Variants in KCNT1 observed in about 807,000 individuals in gnomAD.
KCNT1 encodes potassium sodium-activated channel subfamily T member 1, also known as potassium channel subfamily T member 1.
In KCNT1, 78 loss-of-function variants were observed where a neutral mutation model predicts 147.8. The ratio of observed to expected loss-of-function variants is 0.53; its 90% confidence interval spans 0.44 to 0.64. KCNT1 has a LOEUF of 0.64. KCNT1 is among the 30% of genes least tolerant of loss of function. KCNT1 has a pLI of 0.00. For synonymous variants in KCNT1, 867 were observed against 748.8 expected (o/e 1.16, Z -2.58); for missense variants, 1,419 against 1,750.3 (o/e 0.81, Z 3.38).
At chr9:135,787,523 C>G (rs1182038331) in intron 29 of KCNT1, among the ~76,000 whole-genome samples, 2 of 152,246 alleles carry the variant, frequency 1.3e-5, no homozygotes, top group Non-Finnish European at 2.9e-5. Flanking sequence ...CTTCCTGCGT[C>G]TGTCACCTGG....
chr9:135,702,689 C>T (rs979128780), intron 1 of KCNT1, among the ~76,000 whole-genome samples: 1 of 151,418 alleles, frequency 6.6e-6, no homozygotes, highest in Non-Finnish European at 1.5e-5. Context: ...AGGCTGGGGG[C>T]GGTGCAGGGC....
At chr9:135,785,043 G>T (rs1260300553) in intron 27 of KCNT1, among the ~76,000 whole-genome samples, 154 bp downstream of exon 27, 1 of 152,190 alleles carries the variant, frequency 6.6e-6, no homozygotes, top group African/African-American at 2.4e-5. Flanking sequence ...GGCTAGATCA[G>T]CTTTGCTATT....
rs746651748 is a variant in KCNT1, at chr9:135,779,351, T to C, written c.2730-8T>C. Reference sequence around the variant, plus strand: ...TGGGCCCCGCCCTGAGCCGCCTGCCTCCCCCAGGCTCTTCCCCAGCCTCAG... The same window carrying C: ...TGGGCCCCGCCCTGAGCCGCCTGCCCCCCCCAGGCTCTTCCCCAGCCTCAG... On this transcript the variant is annotated splice_polypyrimidine_tract_variant and splice_region_variant and intron_variant, in intron 23 of 30. Coordinates refer to ENST00000371757, the MANE Select transcript of KCNT1 (RefSeq NM_020822.3). 10 of 1,590,888 alleles carry C rather than the reference T, an allele frequency of 6.3e-6. No individual in the cohort carries two copies. The highest frequency in any genetic ancestry group is 8.6e-6 in the Non-Finnish European group (10 of 1,162,510).
Position 135,765,174 on chromosome 9 carries a change from C to G in KCNT1, c.1179C>G (p.Phe393Leu). The G allele has an allele frequency of 6.2e-7, 1 of 1,612,516 alleles. No individual in the cohort carries two copies. The highest frequency in any genetic ancestry group is 8.5e-7 in the Non-Finnish European group (1 of 1,179,192). The stretch of plus-strand genomic sequence containing the variant: ...TTCTCATGGACTTCCTGAACGAGTT[C>G]TACGCCCACCCCCGGCTCCAGGTGA... ...IDLLMDFLNE[F>L]YAHPRLQDYY... Residue 393 changes from phenylalanine (F) to leucine (L), a missense_variant, in exon 12 of 31, where the codon TTC becomes TTG. Phe to Leu is a conservative substitution (Grantham distance 22). Coordinates refer to ENST00000371757, the MANE Select transcript of KCNT1 (RefSeq NM_020822.3).
intron 11 of KCNT1, among the ~76,000 whole-genome samples, chr9:135,764,013 CTG>C (rs1261916277): frequency 1.3e-5 from 2 of 152,206 alleles, no homozygotes; most frequent in Admixed American, 6.5e-5. Context: ...GCTGTGGAAA[CTG>C]TTTTGTGTGG....
At chr9:135,716,532 C>T (rs1835727840) in intron 2 of KCNT1, among the ~76,000 whole-genome samples, 1 of 152,130 alleles carries the variant, frequency 6.6e-6, no homozygotes. Context: ...ACCCTCACCA[C>T]TGTAATTCGA....
At chr9:135,702,418 A>AG (rs756260894) in intron 1 of KCNT1, 50 bp downstream of exon 1, 2 of 1,324,398 alleles carry the variant, frequency 1.5e-6, no homozygotes, top group Non-Finnish European at 2.1e-6. Context: ...GTCTAACCTA[A>AG]GACCCCCAAG....
At chr9:135,737,085 G>C (rs1830374637) in intron 2 of KCNT1, 1 of 193,458 alleles carries the variant, frequency 5.2e-6, no homozygotes, top group Non-Finnish European at 1.1e-5. Flanking sequence ...CCCTGCCCGA[G>C]CCCTGTCCCA....
At chr9:135,764,277 G>A (rs1832105326) in intron 11 of KCNT1, among the ~76,000 whole-genome samples, 2 of 151,460 alleles carry the variant, frequency 1.3e-5, no homozygotes, top group African/African-American at 4.8e-5. Context: ...GCAATGTAGT[G>A]AGACCCCATC....
At chr9:135,731,017 T>C (rs1046792682) in intron 2 of KCNT1, among the ~76,000 whole-genome samples, 1 of 115,058 alleles carries the variant, frequency 8.7e-6, no homozygotes, top group African/African-American at 3.1e-5. Flanking sequence ...AAAAAAAGTG[T>C]GGTTTAGCAA....
At chr9:135,758,605 C>A (rs1297634173) in intron 10 of KCNT1, 97 bp downstream of exon 10, 3 of 1,000,564 alleles carry the variant, frequency 3.0e-6, no homozygotes, top group South Asian at 1.3e-5. Context: ...TATGTCCAAG[C>A]TATCGGGGCA....
chr9:135,762,095 T>C (rs1831953351), intron 11 of KCNT1, among the ~76,000 whole-genome samples: 3 of 152,206 alleles, frequency 2.0e-5, no homozygotes, highest in Admixed American at 2.0e-4. Flanking sequence ...GGGGCTGCCT[T>C]CCCATTCTGC....
intron 2 of KCNT1, among the ~76,000 whole-genome samples, chr9:135,731,989 T>TAGAG (rs1836477165): frequency 8.0e-4 from 15 of 18,638 alleles, no homozygotes; most frequent in African/African-American, 1.2e-3. Context: ...TATATATATA[T>TAGAG]ATAGAGAGAG....
chr9:135,765,895 G>C (rs1227613833), intron 13 of KCNT1, 135 bp downstream of exon 13: 1 of 850,864 alleles, frequency 1.2e-6, no homozygotes, highest in African/African-American at 1.7e-5. Context: ...TCCCCAGGGT[G>C]GACCATCTAG....
chr9:135,794,788 T>C lies in KCNT1; in HGVS notation c.*2627T>C, dbSNP rs1429397246. 6.6e-6 allele frequency: 1 copy of C among 152,006 alleles called. No homozygotes were observed. Among genetic ancestry groups the C allele is most frequent in the African/African-American group, 2.4e-5 (1 of 41,378 alleles). 9.4% of individuals were successfully genotyped at this position (152,006 alleles called of 1,614,324 possible). A position where few individuals can be genotyped will look rare whatever the true frequency, so the allele number is the denominator to read the frequency against. On this transcript the variant is annotated 3_prime_UTR_variant, in exon 31 of 31. Coordinates refer to ENST00000371757, the MANE Select transcript of KCNT1 (RefSeq NM_020822.3). ...CAGGTTTAGGGAGCACCCGGGTGCC[T>C]CTCTGCTTGTCCCGAGCCCACTCAC...
rs774249834 is a variant in KCNT1 at position 135,770,341 on chromosome 9, C to T, written c.1663C>T (p.Arg555Cys). The change falls in exon 17 of 31, where the codon CGC becomes TGC. Residue 555 changes from arginine (R) to cysteine (C), a missense_variant. Physicochemically the swap from Arg to Cys is radical, Grantham distance 180. Coordinates refer to ENST00000371757, the MANE Select transcript of KCNT1 (RefSeq NM_020822.3). ...GGAGCAGTGGCAGCGCATGTATGGG[C>T]GCTGCTCCGGCAACGAGGTGTACCA... is the stretch of plus-strand genomic sequence containing the variant. ...SPEQWQRMYG[R>C]CSGNEVYHIR... 1.5e-5 allele frequency: 24 copies of T among 1,612,290 alleles called. No individual in the cohort carries two copies. Among genetic ancestry groups the T allele is most frequent in the South Asian group, 2.2e-5 (2 of 90,948 alleles).
intron 2 of KCNT1, among the ~76,000 whole-genome samples, chr9:135,747,458 G>A (rs1172531164): frequency 1.3e-5 from 2 of 152,084 alleles, no homozygotes; most frequent in African/African-American, 4.8e-5. Flanking sequence ...GCCCCCGGGG[G>A]CAGCTCCCGC....
chr9:135,704,872 G>A (rs1432678309), intron 1 of KCNT1, among the ~76,000 whole-genome samples: 2 of 152,236 alleles, frequency 1.3e-5, no homozygotes, highest in African/African-American at 2.4e-5. Flanking sequence ...CCCAGCACTG[G>A]CCGGCAGGAG....
chr9:135,735,833 G>A (rs947814347), intron 2 of KCNT1, among the ~76,000 whole-genome samples: 1 of 152,194 alleles, frequency 6.6e-6, no homozygotes, highest in Non-Finnish European at 1.5e-5. Context: ...TGCCTCTACC[G>A]AGCTGGCTTC....
Sources: gnomAD v4.1 joint callset for allele counts (sites outside exome capture counted in the v4.1 genomes callset) on GRCh38, gnomAD v4.1.1 for gene constraint, MANE v1.5 for transcripts, NCBI Gene and HGNC (gene_info 2026-07-23, HGNC 2026-07-21) for gene names.